The following LRRC7 variants were observed in gnomAD, a reference collection of about 807,000 sequenced individuals.
The protein encoded by LRRC7 is leucine-rich repeat-containing protein 7.
A neutral mutation model predicts 175.7 loss-of-function variants in LRRC7; 23 were observed. The ratio of observed to expected loss-of-function variants is 0.13; its 90% CI spans 0.09 to 0.19. LRRC7 has a LOEUF of 0.19. Among genes scored for constraint, LRRC7 ranks in the 10% least tolerant of loss-of-function variants. LRRC7 has a pLI of 1.00. For synonymous variants in LRRC7, 685 were observed against 680.9 expected (o/e 1.01, Z -0.09); for missense variants, 1,354 against 1,904.7 (o/e 0.71, Z 5.38).
chr1:69,668,680 C>A (rs769289178), intron 1 of LRRC7, among the ~76,000 whole-genome samples: 6 of 152,192 alleles, frequency 3.9e-5, no homozygotes, highest in Admixed American at 2.6e-4. Flanking sequence ...ATTGCTGGGT[C>A]AAATGGTATT....
In LRRC7 at chr1:70,124,494, C is replaced by T. The variant is rs1033079387; in HGVS notation, c.*2607C>T. 2.6e-5 allele frequency among the ~76,000 whole-genome samples: 4 copies of T among 151,998 alleles called. No homozygotes were observed. Among genetic ancestry groups the T allele is most frequent in the African/African-American group, 7.3e-5 (3 of 41,378 alleles). On this transcript the variant is annotated 3_prime_UTR_variant, in exon 27 of 27. Coordinates refer to ENST00000651989, the MANE Select transcript of LRRC7 (RefSeq NM_001370785.2). ...GAGCTGAGATTGTGCCACTGCACTC[C>T]GGCCTGGGCAACAGAGCGAAACTCT...
chr1:69,995,948 T>C (rs1298638128), intron 11 of LRRC7, among the ~76,000 whole-genome samples: 2 of 149,574 alleles, frequency 1.3e-5, no homozygotes, highest in Non-Finnish European at 3.0e-5. Flanking sequence ...CAAATGGTAT[T>C]TCTAGTTCTA....
intron 4 of LRRC7, among the ~76,000 whole-genome samples, chr1:69,822,327 A>G (rs1679390393): frequency 6.6e-6 from 1 of 152,190 alleles, no homozygotes; most frequent in South Asian, 2.1e-4. Context: ...TGTCAGGCAC[A>G]TGAAAGGAGC....
intron 7 of LRRC7, among the ~76,000 whole-genome samples, chr1:69,930,945 A>T (rs191868053): frequency 2.8e-4 from 43 of 152,282 alleles, no homozygotes; most frequent in African/African-American, 9.9e-4. Context: ...GATTATGGGG[A>T]TTACAATTCA....
At chr1:69,832,527 T>C (rs1054860084) in intron 5 of LRRC7, among the ~76,000 whole-genome samples, 1 of 152,160 alleles carries the variant, frequency 6.6e-6, no homozygotes, top group African/African-American at 2.4e-5. Flanking sequence ...CTAATAAACT[T>C]TTATTCCTAA....
At chr1:69,892,362 C>T (rs540020342) in intron 7 of LRRC7, among the ~76,000 whole-genome samples, 2 of 152,194 alleles carry the variant, frequency 1.3e-5, no homozygotes, top group East Asian at 3.9e-4. Context: ...TTAAAGATTA[C>T]CTATGTGAGT....
intron 1 of LRRC7, among the ~76,000 whole-genome samples, chr1:69,606,328 A>G (rs1303384284): frequency 6.6e-6 from 1 of 152,164 alleles, no homozygotes; most frequent in Non-Finnish European, 1.5e-5. Context: ...TCTGAGAAAT[A>G]TAACAATGGT....
chr1:69,599,040 G>C (rs1035763611), intron 1 of LRRC7, among the ~76,000 whole-genome samples: 11 of 151,656 alleles, frequency 7.3e-5, no homozygotes, highest in Non-Finnish European at 1.5e-4. Flanking sequence ...GCTCTAGGAA[G>C]AATCCCTATA....
At chr1:69,633,546 A>G (rs953249706) in intron 1 of LRRC7, among the ~76,000 whole-genome samples, 1 of 152,018 alleles carries the variant, frequency 6.6e-6, no homozygotes, top group Non-Finnish European at 1.5e-5. Context: ...CTCCTGCCTC[A>G]GCCTCCCAAG....
chr1:69,779,187 C>G (rs985304616), intron 3 of LRRC7, among the ~76,000 whole-genome samples: 1 of 151,838 alleles, frequency 6.6e-6, no homozygotes, highest in African/African-American at 2.4e-5. Context: ...AAAATTTTAC[C>G]AACCAATAAT....
At chr1:69,952,997 CAAAA>C (rs61277479) in intron 8 of LRRC7, among the ~76,000 whole-genome samples, 120 of 56,986 alleles carry the variant, frequency 2.1e-3, no homozygotes, top group African/African-American at 4.6e-3. Flanking sequence ...AGAGACAAGG[CAAAA>C]AAAAAAAAAA....
At chr1:69,803,088 C>A (rs1297848942) in intron 4 of LRRC7, among the ~76,000 whole-genome samples, 1 of 151,324 alleles carries the variant, frequency 6.6e-6, no homozygotes, top group Non-Finnish European at 1.5e-5. Context: ...AGCTTTTCCC[C>A]AAACTATTCA....
intron 2 of LRRC7, among the ~76,000 whole-genome samples, chr1:69,679,339 A>G (rs1204116495): frequency 6.6e-6 from 1 of 152,100 alleles, no homozygotes; most frequent in Admixed American, 6.6e-5. Context: ...TATACTGTTA[A>G]GTAGAATTTT....
chr1:70,129,606 A>T lies in LRRC7; in HGVS notation c.*7719A>T, dbSNP rs1425035188. 6.6e-6 allele frequency among the ~76,000 whole-genome samples: 1 copy of T among 152,180 alleles called. No homozygotes were observed. Among genetic ancestry groups the T allele is most frequent in the Non-Finnish European group, 1.5e-5 (1 of 68,032 alleles). ...GTCCCTCCTATGACCACTGTCAGGG[A>T]GCGTGGGAATCCATGCTGTCCAATG... On this transcript the variant is annotated 3_prime_UTR_variant, in exon 27 of 27. Transcript: ENST00000651989.
chr1:69,652,874 T>C (rs1656064152), intron 1 of LRRC7, among the ~76,000 whole-genome samples: 1 of 151,998 alleles, frequency 6.6e-6, no homozygotes, highest in Admixed American at 6.6e-5. Flanking sequence ...ATCAAGACTA[T>C]TCAATGGGGA....
intron 4 of LRRC7, among the ~76,000 whole-genome samples, chr1:69,805,117 A>ATTCT (rs1384095134): frequency 6.6e-6 from 1 of 151,798 alleles, no homozygotes; most frequent in Non-Finnish European, 1.5e-5. Flanking sequence ...GAAAAAAATC[A>ATTCT]TTATTGTTAG....
chr1:69,974,842 T>G (rs1490766744), intron 8 of LRRC7, among the ~76,000 whole-genome samples: 2 of 152,194 alleles, frequency 1.3e-5, no homozygotes, highest in African/African-American at 2.4e-5. Context: ...ATTGGGTATT[T>G]GTGATCACCA....
chr1:69,990,692 G>A (rs1450536104), intron 10 of LRRC7, among the ~76,000 whole-genome samples: 2 of 152,040 alleles, frequency 1.3e-5, no homozygotes, highest in South Asian at 2.1e-4. Context: ...CAAACCAGGA[G>A]AGGAGGGGAA....
At chr1:70,058,390 C>A (rs1661318619) in intron 23 of LRRC7, among the ~76,000 whole-genome samples, 1 of 152,144 alleles carries the variant, frequency 6.6e-6, no homozygotes, top group Admixed American at 6.5e-5. Context: ...CTATGTAAAT[C>A]TGACACCCCA....
Sources: allele counts gnomAD v4.1 joint callset (sites outside exome capture counted in the v4.1 genomes callset), GRCh38; gene constraint gnomAD v4.1.1; transcripts MANE v1.5; gene names NCBI Gene and HGNC (gene_info 2026-07-23, HGNC 2026-07-21).